The following PELI2 variants were observed in gnomAD, a reference collection of about 807,000 sequenced individuals.
The protein encoded by PELI2 is pellino E3 ubiquitin protein ligase family member 2, also known as E3 ubiquitin-protein ligase pellino homolog 2.
In PELI2, 23 loss-of-function variants were observed where a neutral mutation model predicts 42.3. The ratio of observed to expected loss-of-function variants is 0.54; its 90% confidence interval spans 0.39 to 0.77. The LOEUF (loss-of-function observed/expected upper bound fraction) is 0.77, where lower values mean the gene tolerates loss of function less well. Among genes scored for constraint, PELI2 ranks in the 30% least tolerant of loss-of-function variants. The pLI, the probability that PELI2 is intolerant of heterozygous loss-of-function variation, is 0.00. For missense variants in PELI2, 463 were observed against 553.2 expected, an observed-to-expected ratio of 0.84 and a Z score of 1.64; for synonymous variants, 245 against 212.2, an observed-to-expected ratio of 1.15 and a Z score of -1.34.
chr14:56,296,793 A>G lies in PELI2; in HGVS notation c.890A>G (p.Asn297Ser), dbSNP rs766481243. The G allele has an allele frequency of 3.5e-5, 57 of 1,613,984 alleles. No individual in the cohort carries two copies. Among genetic ancestry groups the G allele is most frequent in the Non-Finnish European group, 4.6e-5 (54 of 1,180,026 alleles). ...AACACCCTGGCCTTCCCCAGCATCA[A>G]CAGGAAAGAGGTGGTGGAGGAGAAG... ...GLNTLAFPSINRKEVVEEKQP... is the reference protein window; with the variant it reads ...GLNTLAFPSISRKEVVEEKQP... The change falls in exon 6 of 6, where the codon AAC (asparagine) becomes AGC (serine). Residue 297 changes from asparagine (N) to serine (S), a missense_variant. Physicochemically the swap from Asn to Ser is conservative, Grantham distance 46. Around this residue, in one of 3 missense-constraint regions of PELI2, gnomAD observed 17 missense variants for 45.3 expected, o/e 0.38. Transcript: ENST00000267460.
chr14:56,148,478 A>G (rs1010433589), intron 1 of PELI2, among the ~76,000 whole-genome samples: 4 of 152,152 alleles, frequency 2.6e-5, no homozygotes, highest in African/African-American at 9.7e-5. Context: ...CCTGCAGCCT[A>G]TTCTTGGGGC....
chr14:56,238,785 G>A (rs1002892159), intron 2 of PELI2, among the ~76,000 whole-genome samples: 2 of 152,130 alleles, frequency 1.3e-5, no homozygotes, highest in African/African-American at 2.4e-5. Flanking sequence ...CCGGGCCCAC[G>A]AACATATTTG....
At chr14:56,205,104 A>G (rs1886470942) in intron 2 of PELI2, among the ~76,000 whole-genome samples, 1 of 151,804 alleles carries the variant, frequency 6.6e-6, no homozygotes, top group Non-Finnish European at 1.5e-5. Flanking sequence ...GCGAGAGGTC[A>G]GGAAGAGAGG....
At chr14:56,212,425 G>A (rs1594643873) in intron 2 of PELI2, among the ~76,000 whole-genome samples, 1 of 152,166 alleles carries the variant, frequency 6.6e-6, no homozygotes, top group African/African-American at 2.4e-5. Flanking sequence ...CCCTGATGTC[G>A]TTGCCATGTG....
chr14:56,183,219 T>C (rs1201120432), intron 2 of PELI2, among the ~76,000 whole-genome samples: 1 of 152,136 alleles, frequency 6.6e-6, no homozygotes, highest in East Asian at 1.9e-4. Context: ...ATGAATATTC[T>C]GAATCTCTGA....
intron 2 of PELI2, among the ~76,000 whole-genome samples, chr14:56,272,370 C>T (rs928718216): frequency 5.9e-5 from 9 of 152,224 alleles, no homozygotes; most frequent in Admixed American, 2.6e-4. Context: ...CATACACACA[C>T]GCATGCACAC....
At chr14:56,265,606 G>T (rs974675609) in intron 2 of PELI2, among the ~76,000 whole-genome samples, 3 of 151,988 alleles carry the variant, frequency 2.0e-5, no homozygotes, top group African/African-American at 7.2e-5. Context: ...TTGATAAATA[G>T]ACATCAAAGT....
intron 1 of PELI2, among the ~76,000 whole-genome samples, chr14:56,146,519 A>G (rs1432953955): frequency 6.6e-6 from 1 of 152,116 alleles, no homozygotes; most frequent in African/African-American, 2.4e-5. Flanking sequence ...ATGGTAGGAG[A>G]AGGTGTGAAC....
chr14:56,183,153 TTAAA>T (rs1252812936), intron 2 of PELI2, among the ~76,000 whole-genome samples: 1 of 152,216 alleles, frequency 6.6e-6, no homozygotes, highest in Non-Finnish European at 1.5e-5. Context: ...GTATTTTATT[TTAAA>T]TAAAGAGGCA....
chr14:56,205,733 G>A (rs537006869), intron 2 of PELI2, among the ~76,000 whole-genome samples: 3 of 152,306 alleles, frequency 2.0e-5, no homozygotes, highest in Admixed American at 2.0e-4. Context: ...ACCATTGCAA[G>A]GGGCTGCTGC....
rs924416805 is a variant in PELI2 at position 56,275,423 on chromosome 14, A to T, written c.208-4253A>T. ...ATTTCATTGTAATATATAACTAAAT[A>T]ATTATATAATTCACCATAATATAGA... On this transcript the variant is annotated intron_variant, in intron 2 of 5. Transcript: ENST00000267460. Among the ~76,000 whole-genome samples, 6 of 152,310 alleles carry T rather than the reference A, an allele frequency of 3.9e-5. 2 individuals are homozygous for T. The highest frequency in any genetic ancestry group is 6.8e-3 in the Middle Eastern group (2 of 294).
Position 56,188,167 on chromosome 14 carries a change from T to C in PELI2, c.207+9703T>C, listed in dbSNP as rs540831421. The stretch of plus-strand genomic sequence containing the variant: ...TGACGCTGCATTGGAATTGGCTGAC[T>C]TCTCGTGTCTTCCTGGACGGCAGGC... On this transcript the variant is annotated intron_variant, in intron 2 of 5. Coordinates refer to ENST00000267460, the MANE Select transcript of PELI2 (RefSeq NM_021255.3). Among the ~76,000 whole-genome samples the C allele has an allele frequency of 2.0e-5, 3 of 152,338 alleles. No individual in the cohort carries two copies. In the East Asian group the frequency reaches 5.8e-4, roughly 29 times the overall value.
At chr14:56,267,991 A>G (rs1056860956) in intron 2 of PELI2, among the ~76,000 whole-genome samples, 5 of 152,196 alleles carry the variant, frequency 3.3e-5, no homozygotes, top group African/African-American at 1.2e-4. Context: ...TTAGTATAAA[A>G]TCGATTTATG....
chr14:56,290,466 C>T lies in PELI2; in HGVS notation c.696+10C>T, dbSNP rs1252994825. ...GCAACGAGGAAAGCTGGTGAGTGTG[C>T]TTCACTCTGCAAGTGTGAAGTACGA... is the stretch of plus-strand genomic sequence containing the variant. On this transcript the variant is annotated intron_variant, in intron 5 of 5. Transcript: ENST00000267460. 1 of 1,570,054 alleles carries T rather than the reference C, an allele frequency of 6.4e-7. No homozygotes were observed.
chr14:56,239,369 A>G (rs1410454237), intron 2 of PELI2, among the ~76,000 whole-genome samples: 2 of 152,218 alleles, frequency 1.3e-5, no homozygotes, highest in Non-Finnish European at 2.9e-5. Flanking sequence ...TGGACTTTCC[A>G]AGAGAATGTC....
chr14:56,211,938 T>A (rs1886727524), intron 2 of PELI2, among the ~76,000 whole-genome samples: 1 of 152,188 alleles, frequency 6.6e-6, no homozygotes, highest in South Asian at 2.1e-4. Context: ...AGTGTGATTT[T>A]GAGGACCATT....
At chr14:56,284,015 T>G (rs1889568769) in intron 3 of PELI2, among the ~76,000 whole-genome samples, 1 of 152,218 alleles carries the variant, frequency 6.6e-6, no homozygotes, top group Non-Finnish European at 1.5e-5. Flanking sequence ...AGTATGGACC[T>G]CAGTGTGGAG....
chr14:56,289,821 G>A lies in PELI2; in HGVS notation c.508-447G>A, dbSNP rs183002848. On this transcript the variant is annotated intron_variant, in intron 4 of 5. Transcript: ENST00000267460. ...GGCTTAACATTTTTGGAATTTTCTA[G>A]CTTTAATAAAAGGTCTTTCTTTATG... Among the ~76,000 whole-genome samples the A allele has an allele frequency of 1.6e-3, 247 of 152,296 alleles. 1 individual carries two copies. Among genetic ancestry groups the A allele is most frequent in the Non-Finnish European group, 3.2e-3 (216 of 68,020 alleles).
At chr14:56,134,389 C>T (rs1358105738) in intron 1 of PELI2, among the ~76,000 whole-genome samples, 1 of 152,180 alleles carries the variant, frequency 6.6e-6, no homozygotes, top group African/African-American at 2.4e-5. Context: ...TATCTTTTCA[C>T]TCTGAAGTCA....
Sources: gnomAD v4.1 joint callset for allele counts (sites outside exome capture counted in the v4.1 genomes callset) on GRCh38, gnomAD v4.1.1 for gene constraint, gnomAD v4.1.1 regional missense constraint, MANE v1.5 for transcripts, NCBI Gene and HGNC (gene_info 2026-07-23, HGNC 2026-07-21) for gene names.